The following XRCC5 variants were observed in gnomAD, a reference collection of about 807,000 sequenced individuals.
XRCC5 encodes the protein DNA repair protein Ku80.
XRCC5 carries 12 observed loss-of-function variants against 95.7 expected under a neutral mutation model. That is an observed-to-expected ratio of 0.13 (90% CI 0.08 to 0.20). XRCC5 has a LOEUF of 0.20. Among genes scored for constraint, XRCC5 ranks in the 10% least tolerant of loss-of-function variants. The probability of loss-of-function intolerance (pLI) is 1.00; values close to 1 mark genes in which losing one functional copy is unlikely to be tolerated. For synonymous variants in XRCC5, 281 were observed against 290.3 expected (o/e 0.97, Z 0.33); for missense variants, 595 against 873.9 (o/e 0.68, Z 4.02).
chr2:216,180,166 T>C (rs938285280), intron 16 of XRCC5, among the ~76,000 whole-genome samples: 1 of 152,140 alleles, frequency 6.6e-6, no homozygotes, highest in African/African-American at 2.4e-5. Flanking sequence ...CATAGAGACT[T>C]TAAGACATGA....
chr2:216,135,668 G>T (rs151162686), intron 10 of XRCC5, among the ~76,000 whole-genome samples: 1 of 151,920 alleles, frequency 6.6e-6, no homozygotes, highest in Non-Finnish European at 1.5e-5. Context: ...GCATGGTGGC[G>T]CGTGCCTATA....
intron 13 of XRCC5, among the ~76,000 whole-genome samples, chr2:216,145,255 A>G (rs1238005074): frequency 6.6e-6 from 1 of 152,184 alleles, no homozygotes; most frequent in East Asian, 1.9e-4. Flanking sequence ...TGAAATACCT[A>G]CAGTTAAGGG....
At chr2:216,200,711 A>G (rs1296659179) in intron 19 of XRCC5, among the ~76,000 whole-genome samples, 1 of 152,178 alleles carries the variant, frequency 6.6e-6, no homozygotes, top group Non-Finnish European at 1.5e-5. Flanking sequence ...GGTAACCACT[A>G]TTCTGACTTC....
chr2:216,177,728 T>A (rs1234293050), intron 16 of XRCC5, among the ~76,000 whole-genome samples: 1 of 152,222 alleles, frequency 6.6e-6, no homozygotes, highest in Non-Finnish European at 1.5e-5. Flanking sequence ...TTTCATTTGT[T>A]TCTTCTTTTG....
At chr2:216,141,971 T>C (rs535936649) in intron 13 of XRCC5, among the ~76,000 whole-genome samples, 1 of 152,144 alleles carries the variant, frequency 6.6e-6, no homozygotes, top group East Asian at 1.9e-4. Context: ...GGAGAATTGC[T>C]TGAACCTGGG....
At chr2:216,165,597 A>T (rs935866429) in intron 16 of XRCC5, among the ~76,000 whole-genome samples, 4 of 152,030 alleles carry the variant, frequency 2.6e-5, no homozygotes, top group Admixed American at 2.6e-4. Flanking sequence ...ATAAGCCAAG[A>T]CTCACTTCTC....
chr2:216,194,932 G>C lies in XRCC5; in HGVS notation c.2055G>C (p.Leu685=), dbSNP rs762995794. The part of the protein sequence containing the change: ...WEIVVQDGIT[L]ITKEEASGSS... Reference sequence around the variant, plus strand: ...ATTACTTTTTAGATGGAATTACTCTGATCACCAAAGAGGAAGCCTCTGGAA... The same window carrying C: ...ATTACTTTTTAGATGGAATTACTCTCATCACCAAAGAGGAAGCCTCTGGAA... Residue 685 remains leucine, a synonymous_variant, in exon 19 of 21, where the codon CTG becomes CTC. Coordinates refer to ENST00000392132, the MANE Select transcript of XRCC5 (RefSeq NM_021141.4). 6.8e-5 allele frequency: 109 copies of C among 1,614,026 alleles called. No homozygotes were observed. The East Asian group carries it at 2.3e-3, about 34-fold the overall frequency.
intron 16 of XRCC5, among the ~76,000 whole-genome samples, chr2:216,167,887 T>TA (rs750595364): frequency 1.3e-5 from 2 of 152,206 alleles, no homozygotes; most frequent in African/African-American, 2.4e-5. Flanking sequence ...ATAGCATTGA[T>TA]ACATCTAATC....
intron 19 of XRCC5, among the ~76,000 whole-genome samples, chr2:216,203,037 C>T (rs1459564661): frequency 1.3e-5 from 2 of 152,152 alleles, no homozygotes; most frequent in Non-Finnish European, 2.9e-5. Context: ...TGATTGTGTC[C>T]ATTGTACCAT....
intron 16 of XRCC5, among the ~76,000 whole-genome samples, chr2:216,181,536 A>T (rs992985755): frequency 8.5e-5 from 13 of 152,256 alleles, no homozygotes; most frequent in African/African-American, 2.6e-4. Context: ...TAACTCTTTT[A>T]AAAAAATGGC....
chr2:216,185,681 C>CT (rs201760459), intron 16 of XRCC5, among the ~76,000 whole-genome samples: 30,640 of 142,904 alleles, frequency 0.21, 4,599 homozygotes, highest in African/African-American at 0.44. Context: ...TTTTCTTTTT[C>CT]TTTTTTTTTT....
intron 1 of XRCC5, among the ~76,000 whole-genome samples, chr2:216,109,749 C>T (rs2105996186): frequency 6.6e-6 from 1 of 151,870 alleles, no homozygotes; most frequent in Non-Finnish European, 1.5e-5. Context: ...GCCTCCCCAC[C>T]CGCCTCCCCT....
At position 216,206,187 on chromosome 2, in the gene XRCC5, T is replaced by A. The variant is rs1259313192; in HGVS notation, c.*985T>A. 1 of 152,202 alleles carries A rather than the reference T, an allele frequency of 6.6e-6. No individual in the cohort carries two copies. The highest frequency in any genetic ancestry group is 1.5e-5 in the Non-Finnish European group (1 of 68,026). 9.4% of individuals were successfully genotyped at this position (152,202 alleles called of 1,614,324 possible). On this transcript the variant is annotated 3_prime_UTR_variant, in exon 21 of 21. Coordinates refer to ENST00000392132, the MANE Select transcript of XRCC5 (RefSeq NM_021141.4). ...TCCAGTTCCTCTTTGGTGTACAGACTTCTTGGTACCCAGTCACCTCTGTCT... is the reference window on the plus strand; with the variant it reads ...TCCAGTTCCTCTTTGGTGTACAGACATCTTGGTACCCAGTCACCTCTGTCT...
intron 16 of XRCC5, among the ~76,000 whole-genome samples, chr2:216,169,798 C>T (rs1689121480): frequency 6.6e-6 from 1 of 150,866 alleles, no homozygotes. Context: ...ATAATCCCAG[C>T]ACTTTGGGAG....
At chr2:216,156,805 T>C (rs902836513) in intron 14 of XRCC5, 47 of 468,922 alleles carry the variant, frequency 1.0e-4, no homozygotes, top group Admixed American at 9.9e-4. Flanking sequence ...TCCTGTCCAG[T>C]AGCCATTTTT....
At chr2:216,181,217 T>C (rs553212572) in intron 16 of XRCC5, among the ~76,000 whole-genome samples, 1 of 152,302 alleles carries the variant, frequency 6.6e-6, no homozygotes, top group East Asian at 1.9e-4. Flanking sequence ...CTTTCCATCT[T>C]ATCACTATCC....
intron 1 of XRCC5, among the ~76,000 whole-genome samples, chr2:216,109,675 A>C (rs1696549375): frequency 6.6e-6 from 1 of 151,328 alleles, no homozygotes; most frequent in African/African-American, 2.4e-5. Context: ...CGCTGACTCC[A>C]CCTCTTCCAT....
chr2:216,202,017 G>C (rs989370707), intron 19 of XRCC5, among the ~76,000 whole-genome samples: 1 of 152,168 alleles, frequency 6.6e-6, no homozygotes, highest in Non-Finnish European at 1.5e-5. Context: ...GATTTTTGTT[G>C]CTGCTCATTT....
At position 216,202,832 on chromosome 2, in the gene XRCC5, A is replaced by C. The variant is rs151064040; in HGVS notation, c.2110-1490A>C. Reference sequence around the variant, plus strand: ...GTGCTGACAAAGGCACTGCACCTTAAGGCAGACACAGCCTCCACTGTTATC... The same window carrying C: ...GTGCTGACAAAGGCACTGCACCTTACGGCAGACACAGCCTCCACTGTTATC... On this transcript the variant is annotated intron_variant, in intron 19 of 20. Transcript: ENST00000392132. Among the ~76,000 whole-genome samples the C allele has an allele frequency of 2.2e-4, 33 of 152,352 alleles. No individual in the cohort carries two copies. In the Middle Eastern group the frequency reaches 0.014, roughly 63 times the overall value.
Sources: allele counts gnomAD v4.1 joint callset (sites outside exome capture counted in the v4.1 genomes callset), GRCh38; gene constraint gnomAD v4.1.1; transcripts MANE v1.5; gene names NCBI Gene and HGNC (gene_info 2026-07-23, HGNC 2026-07-21).